KRT19: variants seen among roughly 807,000 people sequenced by gnomAD.
KRT19 encodes keratin, type I cytoskeletal 19.
Under a neutral mutation model 34.6 loss-of-function variants are expected in KRT19, and 21 were observed. The observed-to-expected ratio is 0.61, with a 90% CI of 0.43 to 0.87. The LOEUF (loss-of-function observed/expected upper bound fraction) is 0.87. KRT19 is among the 40% of genes least tolerant of loss of function. KRT19 has a pLI of 0.00. For synonymous variants in KRT19, 240 were observed against 245.8 expected (o/e 0.98, Z 0.22); for missense variants, 514 against 545.7 (o/e 0.94, Z 0.58).
At chr17:41,524,814 A>T (rs756292365) in intron 3 of KRT19, 29 bp downstream of exon 3, 1 of 1,612,234 alleles carries the variant, frequency 6.2e-7, no homozygotes, top group East Asian at 2.2e-5. Context: ...TTAGGGAAGG[A>T]TGGAAGAAAG....
At position 41,524,905 on chromosome 17, in the gene KRT19, G is replaced by T. The variant is rs773436666; in HGVS notation, c.598C>A (p.Leu200Met). The change falls in exon 3 of 6, where the codon CTG becomes ATG. Residue 200 changes from leucine to methionine, a missense_variant. Transcript: ENST00000361566. ...TTCAGGCCTTCGATCTGCATCTCCA[G>T]GTCGGTCCTGGCCAGGGTCAGCTCA... ...LDELTLARTD[L>M]EMQIEGLKEE... 6.2e-7 allele frequency: 1 copy of T among 1,614,254 alleles called. No homozygotes were observed. The highest frequency in any genetic ancestry group is 1.1e-5 in the South Asian group (1 of 91,082).
chr17:41,527,964 A>T lies in KRT19; in HGVS notation c.284T>A (p.Leu95Gln). 1 of 1,613,612 alleles carries T rather than the reference A, an allele frequency of 6.2e-7. No homozygotes were observed. ...CGCCTCCAGGGCGCGCACCTTGTCC[A>T]GGTAGGAGGCCAGGCGGTCGTTGAG... Reference protein sequence around the residue: ...QNLNDRLASYLDKVRALEAAN... With the variant: ...QNLNDRLASYQDKVRALEAAN... Residue 95 changes from leucine (L) to glutamine (Q), a missense_variant, in exon 1 of 6, where the codon CTG becomes CAG. Leu to Gln is a moderately radical substitution (Grantham distance 113). Coordinates refer to ENST00000361566, the MANE Select transcript of KRT19 (RefSeq NM_002276.5).
chr17:41,526,602 C>A (rs1013370147), intron 1 of KRT19, among the ~76,000 whole-genome samples: 1 of 115,754 alleles, frequency 8.6e-6, no homozygotes, highest in African/African-American at 3.3e-5. Context: ...GACGGACTCT[C>A]GCTCTGTGGC....
chr17:41,526,927 CAT>C (rs1010825901), intron 1 of KRT19, among the ~76,000 whole-genome samples: 1 of 152,192 alleles, frequency 6.6e-6, no homozygotes, highest in African/African-American at 2.4e-5. Context: ...TGGCTGTTGA[CAT>C]CTCTAGCGCT....
rs569210531 is a variant in KRT19, at chr17:41,527,695, C to T, written c.420+133G>A. On this transcript the variant is annotated intron_variant, in intron 1 of 5. Coordinates refer to ENST00000361566, the MANE Select transcript of KRT19 (RefSeq NM_002276.5). ...CGCACGTCTCCTGTCCCCCTTTACTCGGCCCCACCTGTGGACCTTCCCACG... is the reference window on the plus strand; with the variant it reads ...CGCACGTCTCCTGTCCCCCTTTACTTGGCCCCACCTGTGGACCTTCCCACG... The T allele has an allele frequency of 6.8e-4, 653 of 955,990 alleles. 4 individuals are homozygous for T. The South Asian group carries it at 9.8e-3, about 14-fold the overall frequency. The allele number at this position is 955,990 out of a possible 1,614,324, so 59.2% of individuals were successfully genotyped here.
intron 1 of KRT19, among the ~76,000 whole-genome samples, chr17:41,525,982 G>GT (rs1905847610): frequency 6.6e-6 from 1 of 152,098 alleles, no homozygotes; most frequent in Non-Finnish European, 1.5e-5. Flanking sequence ...GTTTTTTGGG[G>GT]TTTTTTTGAG....
At chr17:41,524,338 C>T in intron 4 of KRT19, 41 bp downstream of exon 4, 1 of 1,612,076 alleles carries the variant, frequency 6.2e-7, no homozygotes, top group Non-Finnish European at 8.5e-7. Context: ...AAAGCCCTCC[C>T]CTTCCTAACC....
chr17:41,524,244 C>A lies in KRT19; in HGVS notation c.847G>T (p.Ala283Ser), dbSNP rs560728414. ...ATCTGGAGCTGCTCCGTGTGGCCAG[C>A]GACCTCCCGGTTCAATTCTTCAGTC... is the stretch of plus-strand genomic sequence containing the variant. ...SRTEELNREVAGHTEQLQMSR... is the reference protein window; with the variant it reads ...SRTEELNREVSGHTEQLQMSR... The change falls in exon 5 of 6, where the codon GCT (alanine) becomes TCT (serine). Residue 283 changes from alanine (A) to serine (S), a missense_variant. Transcript: ENST00000361566. 3 of 1,613,962 alleles carry A rather than the reference C, an allele frequency of 1.9e-6. No individual in the cohort carries two copies. Among genetic ancestry groups the A allele is most frequent in the Admixed American group, 3.3e-5 (2 of 60,006 alleles).
At position 41,523,933 on chromosome 17, in the gene KRT19, A is replaced by C; in HGVS notation, c.1013T>G (p.Ile338Ser). The change falls in exon 6 of 6, where the codon ATC (isoleucine) becomes AGC (serine). Residue 338 changes from isoleucine (I) to serine (S), a missense_variant. Transcript: ENST00000361566. ...TTCAATACCGCTGATCAGCGCCTGGATATGCGCCAGCTGGGCTCCAAAGCG... is the reference window on the plus strand; with the variant it reads ...TTCAATACCGCTGATCAGCGCCTGGCTATGCGCCAGCTGGGCTCCAAAGCG... ...EARFGAQLAH[I>S]QALISGIEAQ... 1 of 1,613,900 alleles carries C rather than the reference A, an allele frequency of 6.2e-7. No individual in the cohort carries two copies. The highest frequency in any genetic ancestry group is 8.5e-7 in the Non-Finnish European group (1 of 1,179,916).
intron 1 of KRT19, 124 bp downstream of exon 1, chr17:41,527,704 C>T: frequency 9.4e-7 from 1 of 1,067,162 alleles, no homozygotes; most frequent in South Asian, 1.6e-5. Context: ...TCGGCCCCAC[C>T]TGTGGACCTT....
rs766551081 is a variant in KRT19, at chr17:41,523,932, G to C, written c.1014C>G (p.Ile338Met). 3 of 1,613,808 alleles carry C rather than the reference G, an allele frequency of 1.9e-6. No homozygotes were observed. The South Asian group carries it at 3.3e-5, about 18-fold the overall frequency. Residue 338 changes from isoleucine (I) to methionine (M), a missense_variant, in exon 6 of 6, where the codon ATC (isoleucine) becomes ATG (methionine). Ile to Met is a conservative substitution (Grantham distance 10, BLOSUM62 1). Coordinates refer to ENST00000361566, the MANE Select transcript of KRT19 (RefSeq NM_002276.5). ...EARFGAQLAH[I>M]QALISGIEAQ... Reference sequence around the variant, plus strand: ...CTTCAATACCGCTGATCAGCGCCTGGATATGCGCCAGCTGGGCTCCAAAGC... The same window carrying C: ...CTTCAATACCGCTGATCAGCGCCTGCATATGCGCCAGCTGGGCTCCAAAGC...
chr17:41,527,951 G>A lies in KRT19; in HGVS notation c.297C>T (p.Arg99=), dbSNP rs554942537. ...GCTCGCCGTTGGCCGCCTCCAGGGC[G>A]CGCACCTTGTCCAGGTAGGAGGCCA... ...DRLASYLDKV[R]ALEAANGELE... The change falls in exon 1 of 6, where the codon CGC becomes CGT. Residue 99 remains arginine (R), a synonymous_variant. Coordinates refer to ENST00000361566, the MANE Select transcript of KRT19 (RefSeq NM_002276.5). 3.1e-6 allele frequency: 5 copies of A among 1,613,730 alleles called. No individual in the cohort carries two copies. In the East Asian group the frequency reaches 8.9e-5, roughly 29 times the overall value.
In KRT19 at chr17:41,524,222, T is replaced by A; in HGVS notation, c.869A>T (p.Gln290Leu). 1 of 1,614,150 alleles carries A rather than the reference T, an allele frequency of 6.2e-7. No homozygotes were observed. Among genetic ancestry groups the A allele is most frequent in the Non-Finnish European group, 8.5e-7 (1 of 1,180,020 alleles). Residue 290 changes from glutamine to leucine, a missense_variant, in exon 5 of 6, where the codon CAG becomes CTG. Coordinates refer to ENST00000361566, the MANE Select transcript of KRT19 (RefSeq NM_002276.5). ...REVAGHTEQLQMSRSEVTDLR... is the reference protein window; with the variant it reads ...REVAGHTEQLLMSRSEVTDLR... ...GTCAGTAACCTCGGACCTGCTCATCTGGAGCTGCTCCGTGTGGCCAGCGAC... is the reference window on the plus strand; with the variant it reads ...GTCAGTAACCTCGGACCTGCTCATCAGGAGCTGCTCCGTGTGGCCAGCGAC...
chr17:41,528,308 C>T lies in KRT19; in HGVS notation c.-61G>A. 5 of 1,464,804 alleles carry T rather than the reference C, an allele frequency of 3.4e-6. No homozygotes were observed. Among genetic ancestry groups the T allele is most frequent in the Non-Finnish European group, 3.6e-6 (4 of 1,114,538 alleles). The allele number at this position is 1,464,804 out of a possible 1,614,324, so 90.7% of individuals were successfully genotyped here. On this transcript the variant is annotated 5_prime_UTR_variant, in exon 1 of 6. Transcript: ENST00000361566. ...CAGAAGCTGCGATTCGCGGGAGGAG[C>T]GGCGAGGCCCTCACCTGGCGCCTTT...
Position 41,524,203 on chromosome 17 carries a change from A to C in KRT19, c.888T>G (p.Val296=). 6.2e-7 allele frequency: 1 copy of C among 1,614,130 alleles called. No individual in the cohort carries two copies. Among genetic ancestry groups the C allele is most frequent in the African/African-American group, 1.3e-5 (1 of 75,036 alleles). The change falls in exon 5 of 6, where the codon GTT becomes GTG. Residue 296 remains valine (V), a synonymous_variant. Transcript: ENST00000361566. ...CCTGAAGGGTGCGCCGCAGGTCAGT[A>C]ACCTCGGACCTGCTCATCTGGAGCT... is the stretch of plus-strand genomic sequence containing the variant. ...TEQLQMSRSE[V]TDLRRTLQGL... is the part of the protein sequence containing the mutation.
chr17:41,524,178 C>T lies in KRT19; in HGVS notation c.913G>A (p.Gly305Ser), dbSNP rs781057355. The change falls in exon 5 of 6, where the codon GGT (glycine) becomes AGT (serine). Residue 305 changes from glycine (G) to serine (S), a missense_variant. Transcript: ENST00000361566. ...TGTGACTGCAGCTCAATCTCAAGAC[C>T]CTGAAGGGTGCGCCGCAGGTCAGTA... ...EVTDLRRTLQ[G>S]LEIELQSQLS... 2.0e-5 allele frequency: 33 copies of T among 1,613,962 alleles called. No homozygotes were observed. The highest frequency in any genetic ancestry group is 2.5e-5 in the Non-Finnish European group (29 of 1,180,014).
At chr17:41,525,113 T>C (rs1905815002) in intron 2 of KRT19, 78 bp downstream of exon 2, 1 of 1,557,244 alleles carries the variant, frequency 6.4e-7, no homozygotes, top group Non-Finnish European at 8.9e-7. Flanking sequence ...CCATCTAGGC[T>C]AGGTGAGGGC....
chr17:41,525,443 C>T, intron 1 of KRT19, 170 bp from the exon 2 acceptor site: 2 of 626,802 alleles, frequency 3.2e-6, no homozygotes, highest in Non-Finnish European at 2.9e-6. Flanking sequence ...GCCTTGCAAA[C>T]AGTCCATGCC....
At position 41,524,589 on chromosome 17, in the gene KRT19, G is replaced by T. The variant is rs746651802; in HGVS notation, c.661-49C>A. On this transcript the variant is annotated intron_variant, in intron 3 of 5. Coordinates refer to ENST00000361566, the MANE Select transcript of KRT19 (RefSeq NM_002276.5). ...GCATGTCAGGGCCCAGACCCCACTG[G>T]GCCTGGCCCAGGTCACTTCCCCACC... The T allele has an allele frequency of 6.9e-6, 11 of 1,601,394 alleles. 1 individual carries two copies. In the South Asian group the frequency reaches 1.1e-4, roughly 16 times the overall value.
Sources: gnomAD v4.1 joint callset for allele counts (sites outside exome capture counted in the v4.1 genomes callset) on GRCh38, gnomAD v4.1.1 for gene constraint, MANE v1.5 for transcripts, NCBI Gene and HGNC (gene_info 2026-07-23, HGNC 2026-07-21) for gene names.